Variants in SMARCC1 observed in about 807,000 individuals in gnomAD.
The protein encoded by SMARCC1 is SWI/SNF related BAF chromatin remodeling complex subunit C1.
SMARCC1 carries 43 observed loss-of-function variants against 147.4 expected under a neutral mutation model. The ratio of observed to expected loss-of-function variants is 0.29; its 90% confidence interval spans 0.23 to 0.38. The LOEUF (loss-of-function observed/expected upper bound fraction) is 0.38. Among genes scored for constraint, SMARCC1 ranks in the 10% least tolerant of loss-of-function variants. The probability of loss-of-function intolerance (pLI) is 1.00; values close to 1 mark genes in which losing one functional copy is unlikely to be tolerated. For missense variants in SMARCC1, 1,119 were observed against 1,381.1 expected (o/e 0.81, Z 3.01); for synonymous variants, 495 against 484.4 (o/e 1.02, Z -0.29).
intron 13 of SMARCC1, among the ~76,000 whole-genome samples, chr3:47,687,748 C>T (rs1240910162): frequency 1.3e-5 from 2 of 152,210 alleles, no homozygotes; most frequent in Non-Finnish European, 2.9e-5. Context: ...GGATTACAGA[C>T]GTAAGCCACT....
At position 47,758,569 on chromosome 3, in the gene SMARCC1, T is replaced by C. The variant is rs1182421538; in HGVS notation, c.316-12576A>G. 2.0e-5 allele frequency among the ~76,000 whole-genome samples: 3 copies of C among 152,088 alleles called. No individual in the cohort carries two copies. In the South Asian group the frequency reaches 6.2e-4, roughly 32 times the overall value. On this transcript the variant is annotated intron_variant, in intron 2 of 27. Transcript: ENST00000254480. The stretch of plus-strand genomic sequence containing the variant: ...TTAAAGTTTTACCAGTACACAGCCA[T>C]ACTTATTATGTACTGCATATACATA...
chr3:47,777,481 T>C (rs1333870772), intron 1 of SMARCC1, among the ~76,000 whole-genome samples: 1 of 151,898 alleles, frequency 6.6e-6, no homozygotes, highest in Non-Finnish European at 1.5e-5. Context: ...CTACTTTGAG[T>C]CCAGAAATTT....
intron 21 of SMARCC1, 108 bp from the exon 22 acceptor site, chr3:47,638,888 A>G (rs1559631923): frequency 2.6e-6 from 2 of 780,734 alleles, no homozygotes; most frequent in Non-Finnish European, 4.5e-6. Context: ...GTAATACATA[A>G]CGAATATCAT....
At chr3:47,698,930 T>A (rs1030352778) in intron 11 of SMARCC1, among the ~76,000 whole-genome samples, 1 of 152,190 alleles carries the variant, frequency 6.6e-6, no homozygotes, top group Non-Finnish European at 1.5e-5. Flanking sequence ...TAGTTCAATG[T>A]GAGAAGTAGT....
At chr3:47,710,508 T>C (rs2047558) in intron 9 of SMARCC1, among the ~76,000 whole-genome samples, 175 bp downstream of exon 9, 145,681 of 151,996 alleles carry the variant, frequency 0.96, 70,129 homozygotes, top group East Asian at 1. Context: ...GAGGTTATTG[T>C]TTCTGAGATG....
intron 11 of SMARCC1, among the ~76,000 whole-genome samples, chr3:47,696,793 G>A (rs778035954): frequency 1.4e-4 from 21 of 152,226 alleles, no homozygotes; most frequent in Admixed American, 5.9e-4. Flanking sequence ...AAAGTGGTGG[G>A]ATTACAGGCA....
chr3:47,763,431 CATA>C (rs1163992029), intron 2 of SMARCC1, among the ~76,000 whole-genome samples: 3 of 150,578 alleles, frequency 2.0e-5, no homozygotes, highest in African/African-American at 4.9e-5. Context: ...ATTATAAAAA[CATA>C]ATAATTTTTT....
intron 11 of SMARCC1, 152 bp downstream of exon 11, chr3:47,701,126 A>C (rs2033912081): frequency 3.6e-6 from 2 of 562,374 alleles, no homozygotes; most frequent in Non-Finnish European, 3.0e-6. Flanking sequence ...CAAATGATTA[A>C]AGAAAATTAA....
intron 2 of SMARCC1, among the ~76,000 whole-genome samples, chr3:47,753,712 C>CA (rs71070226): frequency 0.034 from 2,397 of 69,550 alleles, 174 homozygotes; most frequent in African/African-American, 0.12. Context: ...AACTCCATCT[C>CA]AAAAAAAAAA....
Position 47,776,089 on chromosome 3 carries a change from A to C in SMARCC1, c.196-3153T>G, listed in dbSNP as rs1051836767. Among the ~76,000 whole-genome samples the C allele has an allele frequency of 7.9e-5, 12 of 151,882 alleles. No individual in the cohort carries two copies. The South Asian group carries it at 8.3e-4, about 11-fold the overall frequency. On this transcript the variant is annotated intron_variant, in intron 1 of 27. Coordinates refer to ENST00000254480, the MANE Select transcript of SMARCC1 (RefSeq NM_003074.4). ...CTTGAATCCGGGAGGCGGAGGTTGC[A>C]GTGAGCCGAAAGTGCGCCACTGCAC...
intron 14 of SMARCC1, among the ~76,000 whole-genome samples, chr3:47,682,423 C>A (rs951772911): frequency 6.6e-6 from 1 of 152,126 alleles, no homozygotes; most frequent in Non-Finnish European, 1.5e-5. Context: ...GGACTACAGG[C>A]ATGTGCCATC....
chr3:47,765,361 A>G (rs1027045650), intron 2 of SMARCC1, among the ~76,000 whole-genome samples: 23 of 152,030 alleles, frequency 1.5e-4, no homozygotes, highest in Non-Finnish European at 3.4e-4. Context: ...GGTTGTTAGC[A>G]ATTTCTGACC....
chr3:47,773,136 C>A (rs1192642881), intron 1 of SMARCC1, among the ~76,000 whole-genome samples, 200 bp from the exon 2 acceptor site: 4 of 149,890 alleles, frequency 2.7e-5, no homozygotes, highest in Admixed American at 6.6e-5. Flanking sequence ...TTTTTTTTTT[C>A]TTTTCTTTGA....
At chr3:47,755,461 C>A (rs2034684618) in intron 2 of SMARCC1, among the ~76,000 whole-genome samples, 1 of 146,106 alleles carries the variant, frequency 6.8e-6, no homozygotes, top group Non-Finnish European at 1.5e-5. Context: ...CGCGCCACTG[C>A]ACTCCAGCCT....
At chr3:47,696,153 C>T (rs1353957213) in intron 11 of SMARCC1, among the ~76,000 whole-genome samples, 1 of 151,116 alleles carries the variant, frequency 6.6e-6, no homozygotes, top group Non-Finnish European at 1.5e-5. Context: ...GGTGGATCAC[C>T]TGAGATCAGA....
At chr3:47,630,802 C>T (rs1218147484) in intron 24 of SMARCC1, among the ~76,000 whole-genome samples, 5 of 152,186 alleles carry the variant, frequency 3.3e-5, no homozygotes, top group Non-Finnish European at 7.3e-5. Context: ...GTGGCTGACA[C>T]CGGTAATCCC....
At chr3:47,702,264 T>C (rs906237430) in intron 10 of SMARCC1, among the ~76,000 whole-genome samples, 6 of 150,812 alleles carry the variant, frequency 4.0e-5, no homozygotes, top group South Asian at 2.1e-4. Flanking sequence ...GATGATTCTT[T>C]ACCTTTAGGG....
intron 26 of SMARCC1, among the ~76,000 whole-genome samples, chr3:47,597,150 CAAA>C (rs34360182): frequency 5.7e-5 from 4 of 70,506 alleles, no homozygotes; most frequent in Admixed American, 3.4e-4. Flanking sequence ...GACTCAGTCT[CAAA>C]AAAAAAAAAA....
intron 25 of SMARCC1, among the ~76,000 whole-genome samples, chr3:47,614,879 T>A (rs971002825): frequency 6.6e-6 from 1 of 152,230 alleles, no homozygotes; most frequent in African/African-American, 2.4e-5. Flanking sequence ...TTTCAAGAAT[T>A]TCTGTGATTT....
Sources: allele counts gnomAD v4.1 joint callset (sites outside exome capture counted in the v4.1 genomes callset), GRCh38; gene constraint gnomAD v4.1.1; transcripts MANE v1.5; gene names NCBI Gene and HGNC (gene_info 2026-07-23, HGNC 2026-07-21).